Variants in FNDC3B observed in about 807,000 individuals in gnomAD.
FNDC3B encodes the protein fibronectin type III domain-containing protein 3B.
Under a neutral mutation model 151.5 loss-of-function variants are expected in FNDC3B, and 12 were observed. The ratio of observed to expected loss-of-function variants is 0.08; its 90% confidence interval spans 0.05 to 0.13. The LOEUF (loss-of-function observed/expected upper bound fraction) is 0.13. Ranked by LOEUF, FNDC3B falls within the 10% of genes least tolerant of loss-of-function variation. The pLI, the probability that FNDC3B is intolerant of heterozygous loss-of-function variation, is 1.00. For synonymous variants in FNDC3B, 528 were observed against 549.0 expected (o/e 0.96, Z 0.54); for missense variants, 1,214 against 1,505.3 (o/e 0.81, Z 3.20).
chr3:172,187,739 C>T (rs11718927), intron 3 of FNDC3B, among the ~76,000 whole-genome samples: 46,539 of 151,798 alleles, frequency 0.31, 8,319 homozygotes, highest in African/African-American at 0.49. Flanking sequence ...AGGTGTTCCT[C>T]CCATCTCATT....
At position 172,346,431 on chromosome 3, in the gene FNDC3B, G is replaced by A; in HGVS notation, c.2355G>A (p.Val785=). Reference sequence around the variant, plus strand: ...GTACACCTGATGGATGTGTCTTAGTGGGTTGGGAGGTAAGTCAGGCATATT... The same window carrying A: ...GTACACCTGATGGATGTGTCTTAGTAGGTTGGGAGGTAAGTCAGGCATATT... ...ISCTPDGCVL[V]GWESPDSSGA... The change falls in exon 20 of 26, where the codon GTG becomes GTA. Residue 785 remains valine (V), a synonymous_variant. Transcript: ENST00000415807. 4.4e-6 allele frequency: 7 copies of A among 1,604,618 alleles called. No homozygotes were observed. Among genetic ancestry groups the A allele is most frequent in the Non-Finnish European group, 6.0e-6 (7 of 1,172,180 alleles).
intron 14 of FNDC3B, among the ~76,000 whole-genome samples, chr3:172,333,579 C>T (rs373355332): frequency 1.3e-4 from 20 of 148,700 alleles, no homozygotes; most frequent in Admixed American, 8.8e-4. Context: ...CTCCTGACCT[C>T]GTGATCCACC....
At chr3:172,112,385 A>T (rs1400158752) in intron 1 of FNDC3B, 67 bp from the exon 2 acceptor site, 4 of 803,280 alleles carry the variant, frequency 5.0e-6, no homozygotes, top group Non-Finnish European at 8.9e-6. Flanking sequence ...TTGTTATGTG[A>T]CTTGTTGTGT....
chr3:172,237,128 A>G (rs1727209874), intron 4 of FNDC3B, among the ~76,000 whole-genome samples: 1 of 152,296 alleles, frequency 6.6e-6, no homozygotes, highest in African/African-American at 2.4e-5. Flanking sequence ...TCTTATACTG[A>G]TCACCTCTGA....
intron 3 of FNDC3B, among the ~76,000 whole-genome samples, chr3:172,137,434 T>C (rs756429570): frequency 6.6e-6 from 1 of 152,064 alleles, no homozygotes; most frequent in Non-Finnish European, 1.5e-5. Flanking sequence ...AGGCAGAAGA[T>C]TGCTTGAGGC....
intron 4 of FNDC3B, among the ~76,000 whole-genome samples, chr3:172,246,330 C>T (rs1263217947): frequency 6.6e-6 from 1 of 152,194 alleles, no homozygotes; most frequent in Non-Finnish European, 1.5e-5. Flanking sequence ...AGGGCCCTGA[C>T]CTAGAGGCCA....
chr3:172,115,631 C>A (rs1021373213), intron 2 of FNDC3B, among the ~76,000 whole-genome samples: 12 of 152,146 alleles, frequency 7.9e-5, no homozygotes, highest in African/African-American at 2.9e-4. Context: ...TTAATAAGAA[C>A]CTTTTGCAGG....
chr3:172,213,383 G>A (rs1725825776), intron 3 of FNDC3B, among the ~76,000 whole-genome samples: 2 of 152,144 alleles, frequency 1.3e-5, no homozygotes, highest in African/African-American at 4.8e-5. Context: ...TAAGTCATGG[G>A]GAAGACAAGT....
intron 4 of FNDC3B, among the ~76,000 whole-genome samples, chr3:172,244,968 A>C (rs1270061960): frequency 6.6e-6 from 1 of 152,134 alleles, no homozygotes; most frequent in African/African-American, 2.4e-5. Flanking sequence ...ATGATAAGAC[A>C]GGCTTGGGTT....
intron 22 of FNDC3B, among the ~76,000 whole-genome samples, chr3:172,359,968 T>G (rs1734287190): frequency 6.6e-6 from 1 of 152,198 alleles, no homozygotes; most frequent in African/African-American, 2.4e-5. Flanking sequence ...AACATTTGTG[T>G]GCAGGTTTTT....
chr3:172,084,938 C>A (rs575034654), intron 1 of FNDC3B, among the ~76,000 whole-genome samples: 2 of 152,168 alleles, frequency 1.3e-5, no homozygotes, highest in Admixed American at 6.5e-5. Context: ...TTTTGCCTTT[C>A]TTTTTTTGTC....
intron 1 of FNDC3B, among the ~76,000 whole-genome samples, chr3:172,111,960 T>A (rs1719998513): frequency 6.6e-6 from 1 of 152,214 alleles, no homozygotes; most frequent in African/African-American, 2.4e-5. Context: ...TGCCATATAT[T>A]TTGGGCATAA....
intron 3 of FNDC3B, among the ~76,000 whole-genome samples, chr3:172,208,305 A>G (rs1419571879): frequency 6.6e-6 from 1 of 152,202 alleles, no homozygotes; most frequent in African/African-American, 2.4e-5. Flanking sequence ...AGTTAGAGCA[A>G]TTTAATAGAT....
At chr3:172,276,298 A>G (rs1729429344) in intron 6 of FNDC3B, among the ~76,000 whole-genome samples, 1 of 152,194 alleles carries the variant, frequency 6.6e-6, no homozygotes, top group Non-Finnish European at 1.5e-5. Context: ...GGAAGTGGAC[A>G]AAGAGGCCCA....
intron 3 of FNDC3B, among the ~76,000 whole-genome samples, chr3:172,211,354 C>T (rs1438075211): frequency 6.6e-6 from 1 of 152,186 alleles, no homozygotes; most frequent in African/African-American, 2.4e-5. Context: ...CTCATTGGTC[C>T]ACTGACCCTG....
chr3:172,197,131 A>G (rs1271088539), intron 3 of FNDC3B, among the ~76,000 whole-genome samples: 1 of 152,144 alleles, frequency 6.6e-6, no homozygotes, highest in Non-Finnish European at 1.5e-5. Context: ...CAGTGAGCCG[A>G]GATGGCACCA....
chr3:172,356,691 G>A (rs767016238), intron 22 of FNDC3B, among the ~76,000 whole-genome samples: 1 of 152,256 alleles, frequency 6.6e-6, no homozygotes, highest in African/African-American at 2.4e-5. Flanking sequence ...TTTACTCGGA[G>A]CCCATCTTTT....
chr3:172,089,474 C>G (rs980305592), intron 1 of FNDC3B, among the ~76,000 whole-genome samples: 22 of 152,146 alleles, frequency 1.4e-4, no homozygotes, highest in Non-Finnish European at 4.4e-5. Context: ...AAGATCAGTA[C>G]TGAGTCATCA....
intron 8 of FNDC3B, among the ~76,000 whole-genome samples, chr3:172,297,466 A>G (rs1471610455): frequency 1.3e-5 from 2 of 149,866 alleles, no homozygotes; most frequent in African/African-American, 4.9e-5. Flanking sequence ...CTCAATCCAC[A>G]TTTTTTTCCA....
Sources: gnomAD v4.1 joint callset for allele counts (sites outside exome capture counted in the v4.1 genomes callset) on GRCh38, gnomAD v4.1.1 for gene constraint, MANE v1.5 for transcripts, NCBI Gene and HGNC (gene_info 2026-07-23, HGNC 2026-07-21) for gene names.